The following SH3BP2 variants were observed in gnomAD, a reference collection of about 807,000 sequenced individuals.
SH3BP2 encodes SH3 domain-binding protein 2.
A neutral mutation model predicts 56.2 loss-of-function variants in SH3BP2; 38 were observed. The observed-to-expected ratio is 0.68, with a 90% CI of 0.52 to 0.89. SH3BP2 has a LOEUF of 0.89. Ranked by LOEUF, SH3BP2 falls within the 40% of genes least tolerant of loss-of-function variation. The pLI is 0.00. For missense variants in SH3BP2, 748 were observed against 762.6 expected (o/e 0.98, Z 0.23); for synonymous variants, 346 against 316.7 (o/e 1.09, Z -0.98).
chr4:2,825,243 G>T, intron 5 of SH3BP2, 47 bp downstream of exon 5: 1 of 1,478,122 alleles, frequency 6.8e-7, no homozygotes, highest in South Asian at 1.2e-5. Flanking sequence ...TCCCTGGGGC[G>T]CCTGGGCCTG....
intron 10 of SH3BP2, 102 bp from the exon 11 acceptor site, chr4:2,832,229 A>G (rs1328714542): frequency 1.8e-6 from 2 of 1,136,172 alleles, no homozygotes; most frequent in Non-Finnish European, 2.7e-6. Context: ...GAGACCTACA[A>G]CAGCGAGAGG....
In SH3BP2 at chr4:2,820,767, G is replaced by A; in HGVS notation, c.136+14G>A. On this transcript the variant is annotated intron_variant, in intron 2 of 12. Transcript: ENST00000503393. The stretch of plus-strand genomic sequence containing the variant: ...AGCTGCTGAAATGTGAGTCCCTGGG[G>A]TGGTAGGGTGCACAGTAGGAGGGCA... 6.2e-7 allele frequency: 1 copy of A among 1,611,104 alleles called. No homozygotes were observed. Among genetic ancestry groups the A allele is most frequent in the Non-Finnish European group, 8.5e-7 (1 of 1,178,446 alleles).
intron 1 of SH3BP2, among the ~76,000 whole-genome samples, chr4:2,795,345 C>T (rs145219540): frequency 2.8e-3 from 419 of 152,344 alleles, no homozygotes; most frequent in Middle Eastern, 0.014. Context: ...TCCTCAAAAG[C>T]TCCCTTGTGG....
intron 1 of SH3BP2, chr4:2,818,480 C>T (rs1724114732): frequency 2.8e-6 from 2 of 708,264 alleles, no homozygotes; most frequent in Non-Finnish European, 3.6e-6. Context: ...TGGACCAGGG[C>T]CGCGAGCCCC....
rs1577377840 is a variant in SH3BP2 at position 2,838,220 on chromosome 4, A to G, written c.*4386A>G. 1 of 152,396 alleles carries G rather than the reference A, an allele frequency of 6.6e-6. No homozygotes were observed. The highest frequency in any genetic ancestry group is 2.4e-5 in the African/African-American group (1 of 41,590). 9.4% of individuals were successfully genotyped at this position (152,396 alleles called of 1,614,324 possible). A position where few individuals can be genotyped will look rare whatever the true frequency, so the allele number is the denominator to read the frequency against. ...GAACGATCTGCAACCACCATCAGGAAATAGTTTTGCCAGCACCCAAGTGCC... is the reference window on the plus strand; with the variant it reads ...GAACGATCTGCAACCACCATCAGGAGATAGTTTTGCCAGCACCCAAGTGCC... On this transcript the variant is annotated 3_prime_UTR_variant, in exon 13 of 13. Coordinates refer to ENST00000503393, the MANE Select transcript of SH3BP2 (RefSeq NM_001122681.2).
chr4:2,822,015 G>A (rs1402973507), intron 2 of SH3BP2, among the ~76,000 whole-genome samples: 1 of 151,842 alleles, frequency 6.6e-6, no homozygotes, highest in Non-Finnish European at 1.5e-5. Flanking sequence ...TTACAGGAGT[G>A]TGCCACCACG....
At chr4:2,809,983 C>T (rs1173901510) in intron 1 of SH3BP2, among the ~76,000 whole-genome samples, 2 of 152,216 alleles carry the variant, frequency 1.3e-5, no homozygotes, top group African/African-American at 4.8e-5. Context: ...CCGCTGCACA[C>T]ACCCCCTGCT....
chr4:2,803,639 C>G (rs1254490397), intron 1 of SH3BP2, among the ~76,000 whole-genome samples: 2 of 152,322 alleles, frequency 1.3e-5, no homozygotes, highest in East Asian at 3.9e-4. Flanking sequence ...GTCTGCCTCA[C>G]CTGGGCATGT....
At chr4:2,795,979 G>A (rs899301444) in intron 1 of SH3BP2, among the ~76,000 whole-genome samples, 1 of 152,170 alleles carries the variant, frequency 6.6e-6, no homozygotes, top group African/African-American at 2.4e-5. Flanking sequence ...AGCATTTCAG[G>A]CTCACTGGCT....
At chr4:2,793,924 G>T (rs1437757441) in intron 1 of SH3BP2, among the ~76,000 whole-genome samples, 2 of 152,174 alleles carry the variant, frequency 1.3e-5, no homozygotes, top group African/African-American at 4.8e-5. Context: ...GGCTCCCTGG[G>T]GGTATTGAGG....
chr4:2,806,563 C>A (rs1431532227), intron 1 of SH3BP2, among the ~76,000 whole-genome samples: 1 of 152,172 alleles, frequency 6.6e-6, no homozygotes, highest in African/African-American at 2.4e-5. Context: ...GTGGCTTCCC[C>A]CAGACCCACC....
In SH3BP2 at chr4:2,829,566, GCCCCGGGCCC is replaced by G; in HGVS notation, c.661_670del (p.Pro221ThrfsTer54). ...CCAGGAAGCCAGCCTTCTCTGACAT[GCCCCGGGCCC>G]ACTCCTTTACCTCCAAGGGCCCCGG... On this transcript the variant is annotated frameshift_variant, in exon 8 of 13. Transcript: ENST00000503393. LOFTEE classifies it high-confidence loss of function. This position sits in a 1 kb window ranked among gnomAD's most constrained non-coding sequence, Gnocchi z 4.9. The G allele has an allele frequency of 1.2e-6, 2 of 1,613,148 alleles. No homozygotes were observed. The highest frequency in any genetic ancestry group is 1.7e-6 in the Non-Finnish European group (2 of 1,179,834).
Position 2,840,234 on chromosome 4 carries a change from C to CAAAAAAAAAAAAAAAAA in SH3BP2, c.*6404_*6420dup, listed in dbSNP as rs568332811. The CAAAAAAAAAAAAAAAAA allele has an allele frequency of 7.2e-5, 6 of 82,790 alleles. No homozygotes were observed. Among genetic ancestry groups the CAAAAAAAAAAAAAAAAA allele is most frequent in the Non-Finnish European group, 9.0e-5 (4 of 44,558 alleles). The allele number at this position is 82,790 out of a possible 1,614,324, so 5.1% of individuals were successfully genotyped here. A position where few individuals can be genotyped will look rare whatever the true frequency, so the allele number is the denominator to read the frequency against. On this transcript the variant is annotated 3_prime_UTR_variant, in exon 13 of 13. Transcript: ENST00000503393. ...AGTGAGACCCTATCTCAAAAAAAACCAAAAAAAAAAAAAAAAAAAAGAAAA... is the reference window on the plus strand; with the variant it reads ...AGTGAGACCCTATCTCAAAAAAAACCAAAAAAAAAAAAAAAAAAAAAAAAAAAAAAAAAAAAAGAAAA...
At chr4:2,823,063 C>G in intron 3 of SH3BP2, 26 bp downstream of exon 3, 1 of 1,528,574 alleles carries the variant, frequency 6.5e-7, no homozygotes, top group Non-Finnish European at 9.1e-7. Flanking sequence ...GCCTGCTGAC[C>G]TCGGGCCCCC....
intron 1 of SH3BP2, among the ~76,000 whole-genome samples, chr4:2,808,702 G>A (rs908541450): frequency 1.3e-5 from 2 of 152,088 alleles, no homozygotes; most frequent in African/African-American, 4.8e-5. Context: ...AGGGGCTCAT[G>A]CAAAACATCT....
chr4:2,797,712 C>T lies in SH3BP2; in HGVS notation c.-5+4574C>T, dbSNP rs541704244. 6.3e-4 allele frequency among the ~76,000 whole-genome samples: 96 copies of T among 152,294 alleles called. 1 individual carries two copies. Among genetic ancestry groups the T allele is most frequent in the Middle Eastern group, 6.8e-3 (2 of 294 alleles). ...ATCCATGGTGACCTGTCCGCCTGCC[C>T]CTCCTGCTTGGGAACTCAGGAAGGT... is the stretch of plus-strand genomic sequence containing the variant. On this transcript the variant is annotated intron_variant, in intron 1 of 12. Transcript: ENST00000503393.
chr4:2,816,288 G>A (rs1723995169), intron 1 of SH3BP2, among the ~76,000 whole-genome samples: 1 of 152,172 alleles, frequency 6.6e-6, no homozygotes, highest in Non-Finnish European at 1.5e-5. Context: ...TGATCTGCCC[G>A]CCTCAGCCTC....
At chr4:2,818,211 AGGGCC>A in intron 1 of SH3BP2, 1 of 986,926 alleles carries the variant, frequency 1.0e-6, no homozygotes, top group South Asian at 4.6e-5. Flanking sequence ...CTGCCAGGCC[AGGGCC>A]GGCGGGCATG....
chr4:2,813,257 G>A (rs541839709), intron 1 of SH3BP2, among the ~76,000 whole-genome samples: 4 of 152,376 alleles, frequency 2.6e-5, no homozygotes, highest in Non-Finnish European at 4.4e-5. Flanking sequence ...CCCACTGTGC[G>A]CCAAGCTGGG....
Sources: allele counts gnomAD v4.1 joint callset (sites outside exome capture counted in the v4.1 genomes callset), GRCh38; gene constraint gnomAD v4.1.1; non-coding constraint Gnocchi (gnomAD v3.1); transcripts MANE v1.5; gene names NCBI Gene and HGNC (gene_info 2026-07-23, HGNC 2026-07-21).